Variants in RBFOX1 observed in about 807,000 individuals in gnomAD.
RBFOX1 encodes RNA binding protein fox-1 homolog 1.
A neutral mutation model predicts 57.7 loss-of-function variants in RBFOX1; 8 were observed. The ratio of observed to expected loss-of-function variants is 0.14; its 90% CI spans 0.08 to 0.25. The LOEUF (loss-of-function observed/expected upper bound fraction) is 0.25, where lower values mean the gene tolerates loss of function less well. RBFOX1 is among the 10% of genes least tolerant of loss of function. The pLI is 1.00. For synonymous variants in RBFOX1, 326 were observed against 222.4 expected (o/e 1.47, Z -4.15); for missense variants, 611 against 548.5 (o/e 1.11, Z -1.14).
intron 4 of RBFOX1, among the ~76,000 whole-genome samples, chr16:5,960,212 A>G (rs7186243): frequency 0.22 from 32,773 of 152,148 alleles, 3,714 homozygotes; most frequent in Middle Eastern, 0.41. Flanking sequence ...AGAAGAAGAA[A>G]GAAAGAAAAA....
intron 2 of RBFOX1, chr16:6,483,614 G>A (rs922579593): frequency 6.5e-5 from 68 of 1,043,766 alleles, no homozygotes; most frequent in Non-Finnish European, 8.5e-5. Context: ...GGGAGGGAGG[G>A]AAGGGAGAGA....
At chr16:6,884,091 C>T (rs1169546555) in intron 3 of RBFOX1, among the ~76,000 whole-genome samples, 2 of 152,172 alleles carry the variant, frequency 1.3e-5, no homozygotes, top group Non-Finnish European at 2.9e-5. Flanking sequence ...TATGCAAGCA[C>T]CTGCGATGCG....
At chr16:6,886,845 G>T (rs144416995) in intron 3 of RBFOX1, among the ~76,000 whole-genome samples, 1 of 151,956 alleles carries the variant, frequency 6.6e-6, no homozygotes, top group Non-Finnish European at 1.5e-5. Flanking sequence ...TAGAATCAGT[G>T]AAATATGGCA....
chr16:7,474,579 A>G (rs991502887), intron 4 of RBFOX1, among the ~76,000 whole-genome samples: 1 of 152,224 alleles, frequency 6.6e-6, no homozygotes, highest in African/African-American at 2.4e-5. Context: ...TGGCAAAATT[A>G]AAGTGGCAGG....
chr16:5,871,490 A>C (rs1164764161), intron 4 of RBFOX1, among the ~76,000 whole-genome samples: 1 of 152,148 alleles, frequency 6.6e-6, no homozygotes, highest in East Asian at 1.9e-4. Flanking sequence ...TTCCCCTTCA[A>C]AATCATTAAG....
At chr16:6,698,182 TTA>T (rs2061329845) in intron 3 of RBFOX1, among the ~76,000 whole-genome samples, 1 of 152,206 alleles carries the variant, frequency 6.6e-6, no homozygotes, top group South Asian at 2.1e-4. Flanking sequence ...CCTTAAAATT[TTA>T]CTTTCCCTCG....
intron 3 of RBFOX1, among the ~76,000 whole-genome samples, chr16:6,663,470 C>T (rs12921979): frequency 0.23 from 35,715 of 151,994 alleles, 4,570 homozygotes; most frequent in African/African-American, 0.33. Context: ...TAGATCTGTG[C>T]ACTTCTGATA....
At chr16:6,535,877 G>C (rs2096728284) in intron 2 of RBFOX1, among the ~76,000 whole-genome samples, 1 of 152,096 alleles carries the variant, frequency 6.6e-6, no homozygotes, top group African/African-American at 2.4e-5. Context: ...ATTTTTTAAA[G>C]TTTATTTTTC....
At chr16:7,686,749 T>G (rs978690348) in intron 14 of RBFOX1, among the ~76,000 whole-genome samples, 1 of 152,132 alleles carries the variant, frequency 6.6e-6, no homozygotes, top group Non-Finnish European at 1.5e-5. Flanking sequence ...ACAGCTTATA[T>G]GCAACAAAGC....
chr16:6,518,540 A>G (rs563820484), intron 2 of RBFOX1, among the ~76,000 whole-genome samples: 51 of 151,324 alleles, frequency 3.4e-4, no homozygotes, highest in African/African-American at 1.0e-3. Context: ...TTCCAGTTCA[A>G]AATCATGCTC....
chr16:5,621,954 C>T (rs2048213014), intron 3 of RBFOX1, among the ~76,000 whole-genome samples: 1 of 152,192 alleles, frequency 6.6e-6, no homozygotes, highest in African/African-American at 2.4e-5. Context: ...CCAGCATCTC[C>T]TGGGAAGAAT....
chr16:6,029,391 A>C (rs1192288271), intron 1 of RBFOX1, among the ~76,000 whole-genome samples: 1 of 152,222 alleles, frequency 6.6e-6, no homozygotes, highest in Non-Finnish European at 1.5e-5. Context: ...ATTAGCCACA[A>C]ATTTTAAAAA....
chr16:6,559,264 A>G (rs2153902966), intron 2 of RBFOX1, among the ~76,000 whole-genome samples: 1 of 152,262 alleles, frequency 6.6e-6, no homozygotes, highest in South Asian at 2.1e-4. Context: ...GTCTAATTAG[A>G]CAAAACACCC....
intron 2 of RBFOX1, among the ~76,000 whole-genome samples, chr16:6,598,918 C>T (rs1259984058): frequency 2.6e-5 from 4 of 151,932 alleles, no homozygotes; most frequent in Admixed American, 2.6e-4. Context: ...TGCACTCCAG[C>T]CTGTGTAACA....
chr16:7,403,144 A>G (rs970796448), intron 4 of RBFOX1, among the ~76,000 whole-genome samples: 7 of 152,168 alleles, frequency 4.6e-5, no homozygotes, highest in African/African-American at 1.7e-4. Flanking sequence ...AAGGTATACC[A>G]TTTGATATTT....
intron 3 of RBFOX1, among the ~76,000 whole-genome samples, chr16:7,042,088 C>G (rs1432608714): frequency 2.6e-5 from 4 of 152,162 alleles, no homozygotes; most frequent in Non-Finnish European, 4.4e-5. Context: ...TCAGAGAAAT[C>G]TAATTTGGTG....
At chr16:7,024,220 G>C (rs1024709158) in intron 3 of RBFOX1, among the ~76,000 whole-genome samples, 9 of 152,076 alleles carry the variant, frequency 5.9e-5, no homozygotes, top group Non-Finnish European at 8.8e-5. Context: ...TTAATTTACA[G>C]CATTGGCACT....
intron 3 of RBFOX1, among the ~76,000 whole-genome samples, chr16:6,714,147 G>GCT (rs1384872494): frequency 6.6e-6 from 1 of 151,998 alleles, no homozygotes; most frequent in African/African-American, 2.4e-5. Flanking sequence ...GCACTCTCAC[G>GCT]CTCTCTCTCT....
intron 1 of RBFOX1, among the ~76,000 whole-genome samples, chr16:5,338,083 G>A (rs923394944): frequency 6.6e-6 from 1 of 152,134 alleles, no homozygotes; most frequent in African/African-American, 2.4e-5. Context: ...TTCTTCTAGG[G>A]ATAGAGGGTG....
Sources: allele counts gnomAD v4.1 joint callset (sites outside exome capture counted in the v4.1 genomes callset), GRCh38; gene constraint gnomAD v4.1.1; transcripts MANE v1.5; gene names NCBI Gene and HGNC (gene_info 2026-07-23, HGNC 2026-07-21).